The following PPARG variants were observed in gnomAD, a reference collection of about 807,000 sequenced individuals.
PPARG encodes the protein peroxisome proliferator activated receptor gamma.
PPARG carries 17 observed loss-of-function variants against 39.2 expected under a neutral mutation model. The ratio of observed to expected loss-of-function variants is 0.43; its 90% CI spans 0.30 to 0.65. The LOEUF is 0.65. PPARG is among the 30% of genes least tolerant of loss of function. The pLI is 0.13. For missense variants in PPARG, 406 were observed against 585.9 expected (o/e 0.69, Z 3.17); for synonymous variants, 223 against 215.7 (o/e 1.03, Z -0.30).
chr3:12,308,566 A>G (rs1275661253), intron 1 of PPARG, among the ~76,000 whole-genome samples: 1 of 152,216 alleles, frequency 6.6e-6, no homozygotes, highest in Non-Finnish European at 1.5e-5. Context: ...AAATTATATT[A>G]AAAATAAAAG....
intron 2 of PPARG, among the ~76,000 whole-genome samples, chr3:12,368,190 G>T (rs2921187): frequency 0.98 from 139,332 of 142,830 alleles, 67,918 homozygotes; most frequent in East Asian, 1. Flanking sequence ...TTTCTTTTTT[G>T]TTTTTTTTTC....
At chr3:12,399,447 C>A (rs2050386253) in intron 5 of PPARG, 1 of 454,754 alleles carries the variant, frequency 2.2e-6, no homozygotes, top group Admixed American at 2.4e-5. Context: ...GTGAGCCAAG[C>A]GTGGTGGTGC....
intron 7 of PPARG, among the ~76,000 whole-genome samples, chr3:12,422,327 A>T (rs7645903): frequency 0.16 from 24,372 of 152,148 alleles, 2,173 homozygotes; most frequent in Admixed American, 0.25. Context: ...ATGGTCTTTC[A>T]TTACCTCCAT....
At chr3:12,408,840 TA>T (rs3836371) in intron 6 of PPARG, among the ~76,000 whole-genome samples, 90,789 of 151,330 alleles carry the variant, frequency 0.6, 28,617 homozygotes, top group African/African-American at 0.8. Context: ...AAAAGACTGA[TA>T]AAAAAAAAGC....
chr3:12,349,925 A>C (rs1219738062), intron 2 of PPARG, among the ~76,000 whole-genome samples: 1 of 152,202 alleles, frequency 6.6e-6, no homozygotes, highest in East Asian at 1.9e-4. Context: ...TCTGAGAAAA[A>C]AGAGAATAGA....
intron 2 of PPARG, among the ~76,000 whole-genome samples, chr3:12,333,595 G>A (rs929673264): frequency 1.2e-4 from 19 of 152,080 alleles, no homozygotes; most frequent in African/African-American, 4.6e-4. Context: ...TCTCGCTATG[G>A]AACCTTGGCT....
At chr3:12,354,135 T>G (rs1559504436) in intron 2 of PPARG, among the ~76,000 whole-genome samples, 1 of 152,184 alleles carries the variant, frequency 6.6e-6, no homozygotes, top group African/African-American at 2.4e-5. Context: ...GTTACATATC[T>G]CCAGGCAACT....
At chr3:12,384,478 C>G (rs2049801055) in intron 4 of PPARG, among the ~76,000 whole-genome samples, 1 of 152,018 alleles carries the variant, frequency 6.6e-6, no homozygotes, top group African/African-American at 2.4e-5. Flanking sequence ...TTATTGAATT[C>G]TTAGTATGTA....
chr3:12,425,456 A>G (rs192174396), intron 7 of PPARG, among the ~76,000 whole-genome samples: 1 of 152,172 alleles, frequency 6.6e-6, no homozygotes, highest in East Asian at 1.9e-4. Context: ...TTGAGGGAGT[A>G]AGGAAGGGTA....
In PPARG at chr3:12,405,994, A is replaced by G; in HGVS notation, c.642A>G (p.Lys214=). The G allele has an allele frequency of 1.2e-6, 2 of 1,614,190 alleles. No individual in the cohort carries two copies. Among genetic ancestry groups the G allele is most frequent in the Non-Finnish European group, 1.7e-6 (2 of 1,180,034 alleles). The change falls in exon 6 of 8, where the codon AAA becomes AAG. Residue 214 remains lysine, a synonymous_variant. Transcript: ENST00000651735. ...CCGCTGACCTCCGGGCCCTGGCAAA[A>G]CATTTGTATGACTCATACATAAAGT... ...PESADLRALA[K]HLYDSYIKSF... is the part of the protein sequence containing the mutation.
At chr3:12,363,218 C>G (rs559342273) in intron 2 of PPARG, among the ~76,000 whole-genome samples, 62 of 152,240 alleles carry the variant, frequency 4.1e-4, no homozygotes, top group African/African-American at 1.5e-3. Context: ...CTGTATCTAG[C>G]CTAGAATATT....
In PPARG at chr3:12,363,894, A is replaced by G. The variant is rs141366937; in HGVS notation, c.-8-15810A>G. Among the ~76,000 whole-genome samples the G allele has an allele frequency of 1.3e-3, 199 of 152,206 alleles. 1 individual carries two copies. The highest frequency in any genetic ancestry group is 2.2e-3 in the Non-Finnish European group (153 of 68,018). On this transcript the variant is annotated intron_variant, in intron 2 of 7. Coordinates refer to ENST00000651735, the MANE Select transcript of PPARG (RefSeq NM_138711.6). ...TCTTCTTTTTTATTTTTTAATTAAT[A>G]ACTTTATTTTTAGGGCAGTTTTAGT...
intron 2 of PPARG, among the ~76,000 whole-genome samples, chr3:12,358,609 T>G (rs1399413722): frequency 1.3e-5 from 2 of 152,226 alleles, no homozygotes; most frequent in Non-Finnish European, 2.9e-5. Context: ...AATAAAATTA[T>G]AGACCTATTA....
At chr3:12,305,900 C>T (rs190843345) in intron 1 of PPARG, 13 of 152,324 alleles carry the variant, frequency 8.5e-5, no homozygotes, top group Admixed American at 8.5e-4. Flanking sequence ...TTTAACCATC[C>T]TTCTGAACGA....
At chr3:12,328,745 C>T (rs920861750) in intron 2 of PPARG, among the ~76,000 whole-genome samples, 1 of 152,226 alleles carries the variant, frequency 6.6e-6, no homozygotes, top group African/African-American at 2.4e-5. Context: ...TTCTCTTTTC[C>T]CTTCCTGTAT....
At chr3:12,428,942 C>T (rs117209672) in intron 7 of PPARG, among the ~76,000 whole-genome samples, 19 of 151,088 alleles carry the variant, frequency 1.3e-4, no homozygotes, top group Non-Finnish European at 1.8e-4. Context: ...CTATTTAGTC[C>T]GGTCTGTTTT....
At chr3:12,365,626 C>G (rs976229895) in intron 2 of PPARG, among the ~76,000 whole-genome samples, 8 of 151,786 alleles carry the variant, frequency 5.3e-5, no homozygotes, top group Admixed American at 3.9e-4. Context: ...ATGTGGATGT[C>G]CAGTTGCTCC....
In PPARG at chr3:12,434,094, A is replaced by G. The variant is rs529055997; in HGVS notation, c.1377A>G (p.Thr459=). The change falls in exon 8 of 8, where the codon ACA becomes ACG. Residue 459 remains threonine, a synonymous_variant. Coordinates refer to ENST00000651735, the MANE Select transcript of PPARG (RefSeq NM_138711.6). This position sits in a 1 kb window ranked among gnomAD's most constrained non-coding sequence, Gnocchi z 4.2. ...QLLQVIKKTE[T]DMSLHPLLQE... is the part of the protein sequence containing the mutation. ...TGCAGGTGATCAAGAAGACGGAGAC[A>G]GACATGAGTCTTCACCCGCTCCTGC... is the stretch of plus-strand genomic sequence containing the variant. The G allele has an allele frequency of 5.6e-6, 9 of 1,614,212 alleles. No homozygotes were observed. The highest frequency in any genetic ancestry group is 1.7e-5 in the Admixed American group (1 of 60,018).
rs2047329159 is a variant in PPARG, at chr3:12,314,274, C to CA, written c.-9+1827dup. Reference sequence around the variant, plus strand: ...CCTGAGCAACAGCAAGACTCCCTCTCAAAAAATTAATTAATTAATTAATTA... The same window carrying CA: ...CCTGAGCAACAGCAAGACTCCCTCTCAAAAAAATTAATTAATTAATTAATTA... On this transcript the variant is annotated intron_variant, in intron 2 of 7. Coordinates refer to ENST00000651735, the MANE Select transcript of PPARG (RefSeq NM_138711.6). 2.1e-5 allele frequency among the ~76,000 whole-genome samples: 3 copies of CA among 144,204 alleles called. No homozygotes were observed. In the East Asian group the frequency reaches 6.3e-4, roughly 30 times the overall value. 94.6% of individuals were successfully genotyped at this position (144,204 alleles called of 152,430 possible).
Sources: allele counts gnomAD v4.1 joint callset (sites outside exome capture counted in the v4.1 genomes callset), GRCh38; gene constraint gnomAD v4.1.1; non-coding constraint Gnocchi (gnomAD v3.1); transcripts MANE v1.5; gene names NCBI Gene and HGNC (gene_info 2026-07-23, HGNC 2026-07-21).